VDAC1: variants seen among roughly 807,000 people sequenced by gnomAD.
The protein encoded by VDAC1 is voltage dependent anion channel 1.
VDAC1 carries 10 observed loss-of-function variants against 34.7 expected under a neutral mutation model. The observed-to-expected ratio is 0.29, with a 90% CI of 0.18 to 0.49. The LOEUF (loss-of-function observed/expected upper bound fraction) is 0.49. Ranked by LOEUF, VDAC1 falls within the 20% of genes least tolerant of loss-of-function variation. The probability of loss-of-function intolerance (pLI) is 0.99; values close to 1 mark genes in which losing one functional copy is unlikely to be tolerated. For synonymous variants in VDAC1, 130 were observed against 136.0 expected (o/e 0.96, Z 0.30); for missense variants, 230 against 347.9 (o/e 0.66, Z 2.69).
chr5:133,981,385 GAGA>G (rs1397458113), intron 5 of VDAC1, among the ~76,000 whole-genome samples: 2 of 152,186 alleles, frequency 1.3e-5, no homozygotes, highest in Non-Finnish European at 2.9e-5. Context: ...AGCTTTTAAA[GAGA>G]CGGTTTTCTT....
the VDAC1 span, among the ~76,000 whole-genome samples, chr5:134,026,387 C>T: frequency 1.3e-5 from 2 of 151,848 alleles, no homozygotes; most frequent in Non-Finnish European, 1.5e-5. Context: ...TGGTGGCGGG[C>T]GCCTGTAGTC....
the VDAC1 span, among the ~76,000 whole-genome samples, chr5:134,059,117 G>T: frequency 6.6e-6 from 1 of 152,204 alleles, no homozygotes; most frequent in East Asian, 1.9e-4. Context: ...GTCCTAGCAG[G>T]CTTTGCCAGC....
At chr5:134,096,182 G>A in the VDAC1 span, among the ~76,000 whole-genome samples, 1 of 152,210 alleles carries the variant, frequency 6.6e-6, no homozygotes, top group African/African-American at 2.4e-5. Context: ...CCCCGCCTTG[G>A]TTCCCTCCTA....
chr5:133,981,424 G>A (rs1472661332), intron 5 of VDAC1, among the ~76,000 whole-genome samples: 1 of 152,188 alleles, frequency 6.6e-6, no homozygotes, highest in Non-Finnish European at 1.5e-5. Flanking sequence ...ACATGGTTAA[G>A]TAAGGAAACA....
chr5:134,004,445 T>G (rs1580736487), intron 1 of VDAC1: 1 of 152,290 alleles, frequency 6.6e-6, no homozygotes, highest in South Asian at 2.1e-4. Context: ...CCCAGACCTG[T>G]TCGGCACCCG....
At chr5:134,074,608 C>A in the VDAC1 span, among the ~76,000 whole-genome samples, 2 of 152,050 alleles carry the variant, frequency 1.3e-5, no homozygotes, top group Non-Finnish European at 2.9e-5. Flanking sequence ...GGTCAACCAA[C>A]CTATGAGGTA....
the VDAC1 span, among the ~76,000 whole-genome samples, chr5:134,093,301 G>A: frequency 6.6e-6 from 1 of 152,322 alleles, no homozygotes; most frequent in South Asian, 2.1e-4. Context: ...TGTATTGGGA[G>A]TGTGAGGTAT....
the VDAC1 span, among the ~76,000 whole-genome samples, chr5:134,094,382 G>A: frequency 2.0e-4 from 31 of 152,232 alleles, no homozygotes; most frequent in Non-Finnish European, 2.2e-4. Context: ...AACTCTGGTC[G>A]GTTAGAGGAG....
At chr5:134,028,715 C>A in the VDAC1 span, among the ~76,000 whole-genome samples, 5 of 152,148 alleles carry the variant, frequency 3.3e-5, no homozygotes, top group Admixed American at 6.5e-5. Flanking sequence ...AGGGACCTTG[C>A]GGCCAGCCAA....
the VDAC1 span, among the ~76,000 whole-genome samples, chr5:134,040,746 A>G: frequency 6.6e-6 from 1 of 152,232 alleles, no homozygotes; most frequent in African/African-American, 2.4e-5. Context: ...ATTAAAAAAT[A>G]AAAAGAGCAG....
At chr5:133,997,696 A>T (rs1753373943) in intron 1 of VDAC1, among the ~76,000 whole-genome samples, 1 of 131,522 alleles carries the variant, frequency 7.6e-6, no homozygotes. Context: ...TGACAGAGCG[A>T]GACTGTCTCA....
chr5:134,013,634 A>G, the VDAC1 span, among the ~76,000 whole-genome samples: 1 of 152,168 alleles, frequency 6.6e-6, no homozygotes, highest in Non-Finnish European at 1.5e-5. Flanking sequence ...GCAAAAAACA[A>G]AGACCCCCAT....
chr5:134,014,750 C>T, the VDAC1 span, among the ~76,000 whole-genome samples: 2,086 of 152,252 alleles, frequency 0.014, 41 homozygotes, highest in African/African-American at 0.046. Context: ...CCTGCAGTCT[C>T]AGCTGCTCAG....
chr5:134,055,752 T>TTTC, the VDAC1 span, among the ~76,000 whole-genome samples: 5 of 10,326 alleles, frequency 4.8e-4, no homozygotes, highest in African/African-American at 5.6e-3. Flanking sequence ...TAATTGTCTT[T>TTTC]TTTTCTTTAA....
upstream of VDAC1, among the ~76,000 whole-genome samples, chr5:134,006,994 A>C (rs1753767137): frequency 6.6e-6 from 1 of 152,052 alleles, no homozygotes; most frequent in Non-Finnish European, 1.5e-5. Context: ...CTGTAATCCC[A>C]GCACTTTGGG....
chr5:134,057,286 C>T, the VDAC1 span, among the ~76,000 whole-genome samples: 1 of 152,002 alleles, frequency 6.6e-6, no homozygotes, highest in Non-Finnish European at 1.5e-5. Context: ...TGGAGACCAG[C>T]CTGGCCAATA....
At chr5:134,030,854 C>A in the VDAC1 span, among the ~76,000 whole-genome samples, 3 of 152,164 alleles carry the variant, frequency 2.0e-5, no homozygotes, top group African/African-American at 4.8e-5. Context: ...CTCAAGTGAT[C>A]TGCCCACCTT....
the VDAC1 span, among the ~76,000 whole-genome samples, chr5:134,065,789 A>ATTTTTT: frequency 4.0e-5 from 4 of 99,836 alleles, no homozygotes; most frequent in East Asian, 3.0e-4. Context: ...CAGATAGTAA[A>ATTTTTT]TTTTTTTTTT....
the VDAC1 span, among the ~76,000 whole-genome samples, chr5:134,061,535 C>G: frequency 5.9e-5 from 9 of 151,622 alleles, no homozygotes; most frequent in East Asian, 1.7e-3. Context: ...CCATACCCAG[C>G]TAATTTTAAA....
Sources: allele counts gnomAD v4.1 joint callset (sites outside exome capture counted in the v4.1 genomes callset), GRCh38; gene constraint gnomAD v4.1.1; transcripts MANE v1.5; gene names NCBI Gene and HGNC (gene_info 2026-07-23, HGNC 2026-07-21).